CPEB4: variants seen among roughly 807,000 people sequenced by gnomAD.
The protein encoded by CPEB4 is cytoplasmic polyadenylation element binding protein 4.
In CPEB4, 12 loss-of-function variants were observed where a neutral mutation model predicts 72.5. The ratio of observed to expected loss-of-function variants is 0.17; its 90% CI spans 0.11 to 0.27. The LOEUF (loss-of-function observed/expected upper bound fraction) is 0.27. Among genes scored for constraint, CPEB4 ranks in the 10% least tolerant of loss-of-function variants. CPEB4 has a pLI of 1.00. For synonymous variants in CPEB4, 302 were observed against 326.3 expected, an observed-to-expected ratio of 0.93 and a Z score of 0.80; for missense variants, 614 against 908.5, an observed-to-expected ratio of 0.68 and a Z score of 4.17.
chr5:173,928,214 G>A (rs1467722606), intron 2 of CPEB4, among the ~76,000 whole-genome samples: 2 of 152,164 alleles, frequency 1.3e-5, no homozygotes, highest in Non-Finnish European at 2.9e-5. Flanking sequence ...CATAATGGGT[G>A]GATACATGTC....
At chr5:173,894,429 T>G (rs539085754) in intron 1 of CPEB4, among the ~76,000 whole-genome samples, 1 of 151,906 alleles carries the variant, frequency 6.6e-6, no homozygotes, top group South Asian at 2.1e-4. Flanking sequence ...AAGACCAGCT[T>G]GGCCAACATG....
chr5:173,954,587 A>G (rs1418923841), intron 9 of CPEB4, among the ~76,000 whole-genome samples: 1 of 152,122 alleles, frequency 6.6e-6, no homozygotes, highest in Non-Finnish European at 1.5e-5. Context: ...TGGTCAGGCC[A>G]GTTTCAAACT....
chr5:173,902,670 A>G (rs1481417667), intron 1 of CPEB4, among the ~76,000 whole-genome samples: 1 of 152,230 alleles, frequency 6.6e-6, no homozygotes, highest in Non-Finnish European at 1.5e-5. Flanking sequence ...CTTTTAAACA[A>G]GAGTGAAATA....
intron 1 of CPEB4, among the ~76,000 whole-genome samples, chr5:173,901,814 C>G (rs7710249): frequency 0.12 from 17,723 of 152,178 alleles, 1,376 homozygotes; most frequent in African/African-American, 0.21. Flanking sequence ...ACATGTTAGC[C>G]ACTTTCTATA....
chr5:173,907,635 C>A (rs998376743), intron 1 of CPEB4, among the ~76,000 whole-genome samples: 2 of 152,160 alleles, frequency 1.3e-5, no homozygotes, highest in African/African-American at 4.8e-5. Context: ...TTAAAAATTA[C>A]ATGAAGGAAT....
chr5:173,890,300 C>G lies in CPEB4; in HGVS notation c.567C>G (p.Phe189Leu), dbSNP rs748762492. 6.2e-7 allele frequency: 1 copy of G among 1,614,128 alleles called. No individual in the cohort carries two copies. Among genetic ancestry groups the G allele is most frequent in the Non-Finnish European group, 8.5e-7 (1 of 1,180,018 alleles). The part of the protein sequence containing the change: ...SSTIINEDAS[F>L]FHQGGVPAAS... ...CAATAATCAATGAAGATGCAAGTTT[C>G]TTTCACCAGGGAGGGGTCCCTGCTG... Residue 189 changes from phenylalanine to leucine, a missense_variant, in exon 1 of 10, where the codon TTC becomes TTG. By Grantham distance (22) the Phe-to-Leu change is conservative (BLOSUM62 0). Around this residue, in one of 5 missense-constraint regions of CPEB4, gnomAD observed 458 missense variants for 548.6 expected, o/e 0.83. Transcript: ENST00000265085.
chr5:173,909,018 A>G (rs1421010038), intron 1 of CPEB4, among the ~76,000 whole-genome samples: 1 of 152,108 alleles, frequency 6.6e-6, no homozygotes, highest in Non-Finnish European at 1.5e-5. Flanking sequence ...CCTACTTTCA[A>G]TGTATCAAGC....
chr5:173,888,467 A>G lies in CPEB4; in HGVS notation c.-1267A>G. 2.3e-6 allele frequency: 1 copy of G among 436,404 alleles called. No individual in the cohort carries two copies. Among genetic ancestry groups the G allele is most frequent in the Non-Finnish European group, 4.0e-6 (1 of 251,010 alleles). The allele number at this position is 436,404 out of a possible 1,614,324, so 27.0% of individuals were successfully genotyped here. The stretch of plus-strand genomic sequence containing the variant: ...ACAGCAGAGGAGGAAGAGGAGGAAG[A>G]AGGAAAGAAAAAGAAGAACCAGGAG... On this transcript the variant is annotated 5_prime_UTR_variant, in exon 1 of 10. Coordinates refer to ENST00000265085, the MANE Select transcript of CPEB4 (RefSeq NM_030627.4). This position sits in a 1 kb window ranked among gnomAD's most constrained non-coding sequence, Gnocchi z 4.3.
chr5:173,943,965 T>C (rs548875668), intron 4 of CPEB4, among the ~76,000 whole-genome samples: 1 of 152,262 alleles, frequency 6.6e-6, no homozygotes, highest in Admixed American at 6.5e-5. Flanking sequence ...GCTTGGGAGA[T>C]TGTGCAGCTA....
At chr5:173,926,882 C>G (rs928610889) in intron 2 of CPEB4, among the ~76,000 whole-genome samples, 1 of 152,214 alleles carries the variant, frequency 6.6e-6, no homozygotes, top group Non-Finnish European at 1.5e-5. Context: ...GGCACCGTGG[C>G]TCATGCCTGT....
chr5:173,900,135 G>T lies in CPEB4; in HGVS notation c.1125+9277G>T, dbSNP rs984983343. On this transcript the variant is annotated intron_variant, in intron 1 of 9. Coordinates refer to ENST00000265085, the MANE Select transcript of CPEB4 (RefSeq NM_030627.4). The surrounding 1 kb of genome is among the most constrained non-coding windows in gnomAD (Gnocchi z 4.4). The stretch of plus-strand genomic sequence containing the variant: ...AAAGGTTGTGCATTGGCCAGGTGTG[G>T]TGGCTCACGCCTGTAATCCCAGCAC... Among the ~76,000 whole-genome samples, 2 of 152,170 alleles carry T rather than the reference G, an allele frequency of 1.3e-5. No homozygotes were observed. The highest frequency in any genetic ancestry group is 2.4e-5 in the African/African-American group (1 of 41,440).
At chr5:173,946,705 T>C (rs560299251) in intron 5 of CPEB4, among the ~76,000 whole-genome samples, 1 of 152,324 alleles carries the variant, frequency 6.6e-6, no homozygotes, top group South Asian at 2.1e-4. Flanking sequence ...GGTTTGTACC[T>C]GTACGTCAGA....
intron 1 of CPEB4, 138 bp downstream of exon 1, chr5:173,890,996 AT>A: frequency 1.2e-6 from 1 of 836,990 alleles, no homozygotes; most frequent in Non-Finnish European, 1.8e-6. Flanking sequence ...ACCAGACTTT[AT>A]TTTAGCAGGA....
At chr5:173,909,869 G>A (rs372010640) in intron 1 of CPEB4, among the ~76,000 whole-genome samples, 33 of 151,642 alleles carry the variant, frequency 2.2e-4, no homozygotes, top group African/African-American at 7.0e-4. Context: ...GTTTGGTGGC[G>A]GGTGCCTGTA....
At chr5:173,926,806 TTAGAAA>T (rs1402791392) in intron 2 of CPEB4, among the ~76,000 whole-genome samples, 2 of 152,198 alleles carry the variant, frequency 1.3e-5, no homozygotes, top group Non-Finnish European at 2.9e-5. Flanking sequence ...CCTTCTCCCT[TTAGAAA>T]TTAAATTCTG....
chr5:173,899,169 A>G (rs1437941239), intron 1 of CPEB4, among the ~76,000 whole-genome samples: 2 of 152,102 alleles, frequency 1.3e-5, no homozygotes, highest in African/African-American at 2.4e-5. Context: ...AATATATTCC[A>G]TGGTAGACAG....
intron 1 of CPEB4, among the ~76,000 whole-genome samples, chr5:173,907,342 G>C (rs1756479356): frequency 6.6e-6 from 1 of 152,146 alleles, no homozygotes; most frequent in Admixed American, 6.5e-5. Flanking sequence ...AGGTAAAAAG[G>C]AGGCTTCTTG....
In CPEB4 at chr5:173,958,798, G is replaced by A. The variant is rs962602099; in HGVS notation, c.*2661G>A. 3 of 152,542 alleles carry A rather than the reference G, an allele frequency of 2.0e-5. No individual in the cohort carries two copies. The highest frequency in any genetic ancestry group is 7.2e-5 in the African/African-American group (3 of 41,428). 9.4% of individuals were successfully genotyped at this position (152,542 alleles called of 1,614,324 possible). On this transcript the variant is annotated 3_prime_UTR_variant, in exon 10 of 10. Transcript: ENST00000265085. Reference sequence around the variant, plus strand: ...TATTCATAAAATGCAGACATTTTTGGTGAATGTTTAGCCATTTTTAATATT... The same window carrying A: ...TATTCATAAAATGCAGACATTTTTGATGAATGTTTAGCCATTTTTAATATT...
intron 6 of CPEB4, 68 bp from the exon 7 acceptor site, chr5:173,949,892 T>A: frequency 9.5e-7 from 1 of 1,052,566 alleles, no homozygotes; most frequent in Non-Finnish European, 1.4e-6. Flanking sequence ...TTGTGCATGA[T>A]TCCTTTCCCC....
Sources: allele counts gnomAD v4.1 joint callset (sites outside exome capture counted in the v4.1 genomes callset), GRCh38; gene constraint gnomAD v4.1.1; regional missense constraint gnomAD v4.1.1; non-coding constraint Gnocchi (gnomAD v3.1); transcripts MANE v1.5; gene names NCBI Gene and HGNC (gene_info 2026-07-23, HGNC 2026-07-21).